TMEM132D: variants seen among roughly 807,000 people sequenced by gnomAD.
TMEM132D encodes the protein mature OL transmembrane protein.
A neutral mutation model predicts 62.3 loss-of-function variants in TMEM132D; 21 were observed. The observed-to-expected ratio is 0.34, with a 90% CI of 0.24 to 0.49. The LOEUF (loss-of-function observed/expected upper bound fraction) is 0.49, where lower values mean the gene tolerates loss of function less well. Among genes scored for constraint, TMEM132D ranks in the 20% least tolerant of loss-of-function variants. The probability of loss-of-function intolerance (pLI) is 0.99; values close to 1 mark genes in which losing one functional copy is unlikely to be tolerated. For missense variants in TMEM132D, 1,346 were observed against 1,402.8 expected, an observed-to-expected ratio of 0.96 and a Z score of 0.65; for synonymous variants, 621 against 575.6, an observed-to-expected ratio of 1.08 and a Z score of -1.13.
intron 3 of TMEM132D, among the ~76,000 whole-genome samples, chr12:129,360,958 C>T (rs1423357042): frequency 4.6e-5 from 7 of 152,176 alleles, no homozygotes; most frequent in African/African-American, 1.7e-4. Flanking sequence ...AGCAGTCAAT[C>T]TGTGAATGGG....
At chr12:129,495,269 G>A (rs1427999232) in intron 3 of TMEM132D, among the ~76,000 whole-genome samples, 1 of 152,072 alleles carries the variant, frequency 6.6e-6, no homozygotes, top group Non-Finnish European at 1.5e-5. Flanking sequence ...TCAGCAAAAC[G>A]AGGTGCAGTT....
intron 1 of TMEM132D, among the ~76,000 whole-genome samples, chr12:129,757,350 T>C (rs1276674880): frequency 6.6e-6 from 1 of 152,186 alleles, no homozygotes; most frequent in African/African-American, 2.4e-5. Context: ...TCTCATGTAT[T>C]TGCAGAGGGG....
At chr12:129,244,957 G>T (rs10847811) in intron 4 of TMEM132D, among the ~76,000 whole-genome samples, 52,953 of 152,088 alleles carry the variant, frequency 0.35, 10,546 homozygotes, top group Non-Finnish European at 0.46. Flanking sequence ...TCTTTTGTGA[G>T]GACATTAAAG....
intron 3 of TMEM132D, among the ~76,000 whole-genome samples, chr12:129,417,110 T>C (rs1193295355): frequency 1.3e-5 from 2 of 152,178 alleles, no homozygotes; most frequent in Non-Finnish European, 2.9e-5. Flanking sequence ...TTGGAATCAT[T>C]TCAGAAGGAA....
At chr12:129,353,298 A>G (rs2135669601) in intron 3 of TMEM132D, among the ~76,000 whole-genome samples, 1 of 152,246 alleles carries the variant, frequency 6.6e-6, no homozygotes, top group South Asian at 2.1e-4. Context: ...GGGGGAGATG[A>G]TTGGTAAAAT....
intron 2 of TMEM132D, among the ~76,000 whole-genome samples, chr12:129,578,358 T>C (rs1044574928): frequency 2.0e-5 from 3 of 151,996 alleles, no homozygotes; most frequent in Admixed American, 6.6e-5. Context: ...CATATTTCTA[T>C]GTATATCTGA....
chr12:129,618,630 A>T (rs1222691372), intron 2 of TMEM132D, among the ~76,000 whole-genome samples: 1 of 152,264 alleles, frequency 6.6e-6, no homozygotes, highest in Non-Finnish European at 1.5e-5. Context: ...AAAATTGTAC[A>T]GCCTTCTGAT....
intron 2 of TMEM132D, among the ~76,000 whole-genome samples, chr12:129,635,781 G>C (rs750082612): frequency 1.6e-4 from 25 of 152,180 alleles, no homozygotes; most frequent in Non-Finnish European, 2.6e-4. Context: ...GAGTGACCAT[G>C]GCCCAAGACG....
intron 1 of TMEM132D, among the ~76,000 whole-genome samples, chr12:129,837,333 A>G (rs1873037629): frequency 6.6e-6 from 1 of 152,242 alleles, no homozygotes; most frequent in East Asian, 1.9e-4. Flanking sequence ...AAAACTAAAC[A>G]CAGGTCCACG....
chr12:129,731,868 G>C (rs1382336819), intron 1 of TMEM132D, among the ~76,000 whole-genome samples: 1 of 152,088 alleles, frequency 6.6e-6, no homozygotes, highest in Non-Finnish European at 1.5e-5. Context: ...TTCACCGTGT[G>C]AGCCAGGATG....
chr12:129,501,951 G>T (rs896096888), intron 3 of TMEM132D, among the ~76,000 whole-genome samples: 4 of 151,960 alleles, frequency 2.6e-5, no homozygotes, highest in Admixed American at 2.6e-4. Context: ...TCCTCCATCT[G>T]TGAAATGAAC....
At chr12:129,081,643 A>G in intron 7 of TMEM132D, 116 bp downstream of exon 7, 1 of 1,400,290 alleles carries the variant, frequency 7.1e-7, no homozygotes, top group East Asian at 2.3e-5. Context: ...GAATTTACCC[A>G]TCCTAAAAAT....
At chr12:129,641,902 TCTCATTGCAG>T (rs1174966621) in intron 2 of TMEM132D, among the ~76,000 whole-genome samples, 1 of 152,124 alleles carries the variant, frequency 6.6e-6, no homozygotes, top group Non-Finnish European at 1.5e-5. Flanking sequence ...AGTGCAAATG[TCTCATTGCAG>T]CTCATTTTGT....
At chr12:129,529,470 G>A (rs1876153650) in intron 3 of TMEM132D, among the ~76,000 whole-genome samples, 1 of 152,196 alleles carries the variant, frequency 6.6e-6, no homozygotes, top group Non-Finnish European at 1.5e-5. Flanking sequence ...CTGTGTCCAA[G>A]ATGAACTGAA....
chr12:129,625,163 G>A (rs1390082228), intron 2 of TMEM132D, among the ~76,000 whole-genome samples: 2 of 152,142 alleles, frequency 1.3e-5, no homozygotes, highest in Non-Finnish European at 2.9e-5. Context: ...CTCTGAGCTT[G>A]CCTATTCATA....
chr12:129,677,730 T>G (rs1880666652), intron 2 of TMEM132D, among the ~76,000 whole-genome samples: 1 of 152,090 alleles, frequency 6.6e-6, no homozygotes, highest in Non-Finnish European at 1.5e-5. Flanking sequence ...AGGTGAGAAC[T>G]AGAACACGTT....
chr12:129,447,983 A>C (rs1396684369), intron 3 of TMEM132D, among the ~76,000 whole-genome samples: 2 of 152,164 alleles, frequency 1.3e-5, no homozygotes. Flanking sequence ...CTATATCTTC[A>C]GGATAAGCAT....
intron 3 of TMEM132D, among the ~76,000 whole-genome samples, chr12:129,460,759 ATG>A (rs1182059765): frequency 1.3e-5 from 2 of 152,018 alleles, no homozygotes; most frequent in African/African-American, 2.4e-5. Context: ...ATGTGTTTCT[ATG>A]TGTGTGTGTG....
intron 5 of TMEM132D, among the ~76,000 whole-genome samples, chr12:129,140,231 C>CACACA (rs756074754): frequency 2.0e-5 from 3 of 151,770 alleles, no homozygotes; most frequent in Admixed American, 2.0e-4. Flanking sequence ...CACACACACA[C>CACACA]ACACACACAC....
Sources: gnomAD v4.1 joint callset for allele counts (sites outside exome capture counted in the v4.1 genomes callset) on GRCh38, gnomAD v4.1.1 for gene constraint, MANE v1.5 for transcripts, NCBI Gene and HGNC (gene_info 2026-07-23, HGNC 2026-07-21) for gene names.